LDB2: variants seen among roughly 807,000 people sequenced by gnomAD.
LDB2 encodes LIM domain binding 2, also known as LIM domain-binding protein 2.
Under a neutral mutation model 44.3 loss-of-function variants are expected in LDB2, and 12 were observed. The ratio of observed to expected loss-of-function variants is 0.27; its 90% CI spans 0.17 to 0.44. LDB2 has a LOEUF of 0.44. Ranked by LOEUF, LDB2 falls within the 20% of genes least tolerant of loss-of-function variation. LDB2 has a pLI of 1.00. For synonymous variants in LDB2, 164 were observed against 174.8 expected (o/e 0.94, Z 0.49); for missense variants, 344 against 473.5 (o/e 0.73, Z 2.54).
At chr4:16,882,247 T>C (rs1309816109) in intron 1 of LDB2, among the ~76,000 whole-genome samples, 3 of 152,118 alleles carry the variant, frequency 2.0e-5, no homozygotes, top group Admixed American at 2.0e-4. Context: ...AAAAAAAAGC[T>C]CAATAAGGTA....
intron 2 of LDB2, among the ~76,000 whole-genome samples, chr4:16,753,030 G>A (rs1352247727): frequency 1.3e-5 from 2 of 152,300 alleles, no homozygotes; most frequent in East Asian, 3.9e-4. Flanking sequence ...TAGGTTTCAG[G>A]TGGACACCAC....
intron 5 of LDB2, among the ~76,000 whole-genome samples, chr4:16,561,346 A>G (rs2152379618): frequency 6.6e-6 from 1 of 152,342 alleles, no homozygotes; most frequent in African/African-American, 2.4e-5. Flanking sequence ...AATCTCCTTA[A>G]GCTGATAAGC....
intron 2 of LDB2, among the ~76,000 whole-genome samples, chr4:16,695,317 G>A (rs1751856976): frequency 6.6e-6 from 1 of 152,038 alleles, no homozygotes; most frequent in South Asian, 2.1e-4. Flanking sequence ...GATCACCTGA[G>A]GTCAGGAGTT....
intron 5 of LDB2, among the ~76,000 whole-genome samples, chr4:16,573,804 T>C (rs929222287): frequency 6.6e-6 from 1 of 152,174 alleles, no homozygotes; most frequent in African/African-American, 2.4e-5. Context: ...CTACGGGTCA[T>C]CTCAGTCTCT....
At chr4:16,696,774 T>G (rs923781259) in intron 2 of LDB2, among the ~76,000 whole-genome samples, 2 of 152,202 alleles carry the variant, frequency 1.3e-5, no homozygotes, top group Admixed American at 1.3e-4. Context: ...GCTGTCACTG[T>G]GCTGCCAATG....
chr4:16,837,313 T>C (rs1297951070), intron 1 of LDB2, among the ~76,000 whole-genome samples: 1 of 152,148 alleles, frequency 6.6e-6, no homozygotes, highest in East Asian at 1.9e-4. Flanking sequence ...ATAGCATATG[T>C]GAAGCATCAA....
intron 5 of LDB2, among the ~76,000 whole-genome samples, chr4:16,540,564 C>T (rs558179633): frequency 6.6e-5 from 10 of 152,264 alleles, no homozygotes; most frequent in East Asian, 1.9e-4. Context: ...CACTTAGAGT[C>T]GCTGGCTATG....
At chr4:16,818,857 G>T (rs1178520380) in intron 1 of LDB2, among the ~76,000 whole-genome samples, 1 of 152,186 alleles carries the variant, frequency 6.6e-6, no homozygotes, top group South Asian at 2.1e-4. Flanking sequence ...TCAAGACAGG[G>T]TTACTTGAAT....
At chr4:16,755,543 CAGACAGACAGAGAGAG>C (rs1766441044) in intron 2 of LDB2, among the ~76,000 whole-genome samples, 1 of 26,668 alleles carries the variant, frequency 3.7e-5, no homozygotes, top group Admixed American at 4.1e-4. Context: ...GAGAGAGAGA[CAGACAGACAGAGAGAG>C]AGAGAGAGCA....
At chr4:16,505,667 C>T (rs1719118290) in intron 7 of LDB2, among the ~76,000 whole-genome samples, 1 of 151,244 alleles carries the variant, frequency 6.6e-6, no homozygotes. Context: ...CATTTCCTTC[C>T]CATCTCTATC....
intron 1 of LDB2, among the ~76,000 whole-genome samples, chr4:16,777,095 G>C (rs975972115): frequency 1.3e-5 from 2 of 152,170 alleles, no homozygotes; most frequent in African/African-American, 4.8e-5. Context: ...TGAAGAATGG[G>C]AGGGAGGGAG....
intron 2 of LDB2, among the ~76,000 whole-genome samples, chr4:16,742,597 A>G (rs1763532821): frequency 6.6e-6 from 1 of 152,166 alleles, no homozygotes; most frequent in Non-Finnish European, 1.5e-5. Context: ...GACTATGGTG[A>G]TAGGATTCAA....
rs75286016 is a variant in LDB2, at chr4:16,773,530, G to C, written c.133-14270C>G. The stretch of plus-strand genomic sequence containing the variant: ...CCTCGCATGCACAGTTCACAATAGG[G>C]TTTGTGCTCCTATGGGAATCTAATG... On this transcript the variant is annotated intron_variant, in intron 1 of 7. Coordinates refer to ENST00000304523, the MANE Select transcript of LDB2 (RefSeq NM_001290.5). Among the ~76,000 whole-genome samples, 583 of 152,136 alleles carry C rather than the reference G, an allele frequency of 3.8e-3. 2 individuals carry two copies. Among genetic ancestry groups the C allele is most frequent in the East Asian group, 0.021 (106 of 5,156 alleles).
chr4:16,652,613 C>T (rs1469371864), intron 2 of LDB2, among the ~76,000 whole-genome samples: 3 of 152,156 alleles, frequency 2.0e-5, no homozygotes, highest in Non-Finnish European at 4.4e-5. Flanking sequence ...TGCCATCATC[C>T]CAGCTAGACA....
At chr4:16,809,740 AC>A (rs1367916035) in intron 1 of LDB2, among the ~76,000 whole-genome samples, 1 of 149,642 alleles carries the variant, frequency 6.7e-6, no homozygotes, top group African/African-American at 2.5e-5. Context: ...AAACAAACAA[AC>A]AAAAAAAAAA....
chr4:16,556,279 C>A (rs1739543074), intron 5 of LDB2, among the ~76,000 whole-genome samples: 2 of 152,194 alleles, frequency 1.3e-5, no homozygotes, highest in African/African-American at 4.8e-5. Context: ...CACCTAGCAC[C>A]AAGTCTGGCA....
intron 2 of LDB2, among the ~76,000 whole-genome samples, chr4:16,734,635 C>T (rs955750963): frequency 1.3e-5 from 2 of 152,088 alleles, no homozygotes; most frequent in African/African-American, 4.8e-5. Flanking sequence ...TGGCCGAGGC[C>T]CTGTCTTGCC....
At chr4:16,808,349 A>G (rs370767960) in intron 1 of LDB2, among the ~76,000 whole-genome samples, 33 of 152,310 alleles carry the variant, frequency 2.2e-4, no homozygotes, top group African/African-American at 7.7e-4. Context: ...CTTTCTTATA[A>G]GTCAGAAAGA....
chr4:16,868,766 T>A (rs1715526499), intron 1 of LDB2, among the ~76,000 whole-genome samples: 1 of 152,328 alleles, frequency 6.6e-6, no homozygotes, highest in South Asian at 2.1e-4. Flanking sequence ...CCCAGTCTTT[T>A]AACTGTTTTT....
Sources: allele counts gnomAD v4.1 joint callset (sites outside exome capture counted in the v4.1 genomes callset), GRCh38; gene constraint gnomAD v4.1.1; transcripts MANE v1.5; gene names NCBI Gene and HGNC (gene_info 2026-07-23, HGNC 2026-07-21).